The following MYO1C variants were observed in gnomAD, a reference collection of about 807,000 sequenced individuals.
MYO1C encodes unconventional myosin-Ic.
A neutral mutation model predicts 150.8 loss-of-function variants in MYO1C; 104 were observed. The ratio of observed to expected loss-of-function variants is 0.69; its 90% confidence interval spans 0.59 to 0.81. MYO1C has a LOEUF of 0.81. Among genes scored for constraint, MYO1C ranks in the 30% least tolerant of loss-of-function variants. The pLI is 0.00. For synonymous variants in MYO1C, 663 were observed against 579.9 expected, an observed-to-expected ratio of 1.14 and a Z score of -2.06; for missense variants, 1,504 against 1,435.0, an observed-to-expected ratio of 1.05 and a Z score of -0.78.
intron 1 of MYO1C, chr17:1,485,495 CG>C (rs2074633957): frequency 1.7e-6 from 1 of 588,072 alleles, no homozygotes; most frequent in African/African-American, 2.0e-5. Context: ...GCGTCCCCGG[CG>C]GCTCCTCATC....
At chr17:1,468,807 AAGC>A (rs1460949671) in intron 25 of MYO1C, 199 of 487,312 alleles carry the variant, frequency 4.1e-4, no homozygotes, top group Non-Finnish European at 6.4e-5. Flanking sequence ...GGGGTCTTGT[AAGC>A]AGCAGATCAC....
intron 25 of MYO1C, 61 bp from the exon 26 acceptor site, chr17:1,468,557 G>C: frequency 7.1e-7 from 1 of 1,405,784 alleles, no homozygotes; most frequent in Non-Finnish European, 1.0e-6. Flanking sequence ...TGGGGGGGCA[G>C]AGCCAGCCTT....
At chr17:1,467,674 C>T (rs2074204474) in intron 29 of MYO1C, 97 bp from the exon 30 acceptor site, 1 of 1,125,520 alleles carries the variant, frequency 8.9e-7, no homozygotes, top group African/African-American at 1.8e-5. Flanking sequence ...CAAATCCACC[C>T]CCATCCACCC....
chr17:1,483,674 T>G lies in MYO1C; in HGVS notation c.283A>C (p.Ile95Leu). The change falls in exon 3 of 32, where the codon ATC becomes CTC. Residue 95 changes from isoleucine (I) to leucine (L), a missense_variant. Physicochemically the swap from Ile to Leu is conservative, Grantham distance 5 (BLOSUM62 2). Transcript: ENST00000648651. ...VSVNPYRDLQ[I>L]YSRQHMERYR... ...CGCTCCATATGCTGCCGGCTGTAGA[T>G]CTGCAGGTCCCGGTAGGGATTGACA... 6.2e-7 allele frequency: 1 copy of G among 1,613,258 alleles called. No individual in the cohort carries two copies. Among genetic ancestry groups the G allele is most frequent in the Non-Finnish European group, 8.5e-7 (1 of 1,179,794 alleles).
chr17:1,489,048 G>T (rs2074699738), intron 1 of MYO1C, among the ~76,000 whole-genome samples: 1 of 152,198 alleles, frequency 6.6e-6, no homozygotes, highest in African/African-American at 2.4e-5. Context: ...CTGGGAGGAG[G>T]TGTCATCTGA....
chr17:1,473,587 T>A (rs1219460446), intron 17 of MYO1C, among the ~76,000 whole-genome samples: 2 of 151,994 alleles, frequency 1.3e-5, no homozygotes, highest in Non-Finnish European at 1.5e-5. Context: ...CTGACCTCAC[T>A]CTTCTGGGGC....
rs111237078 is a variant in MYO1C, at chr17:1,479,181, T to C, written c.1092+250A>G. 0.031 allele frequency among the ~76,000 whole-genome samples: 4,778 copies of C among 152,168 alleles called. 267 individuals are homozygous for C. Among genetic ancestry groups the C allele is most frequent in the African/African-American group, 0.11 (4,499 of 41,480 alleles). Reference sequence around the variant, plus strand: ...GGCTAATTTTTGTATTCTTAGTAGATGGGGTTTCACCATGTTGGCCAAGAT... The same window carrying C: ...GGCTAATTTTTGTATTCTTAGTAGACGGGGTTTCACCATGTTGGCCAAGAT... On this transcript the variant is annotated intron_variant, in intron 9 of 31. Transcript: ENST00000648651. The surrounding 1 kb of genome is among the most constrained non-coding windows in gnomAD (Gnocchi z 4.2).
chr17:1,480,465 A>C (rs540358196), intron 7 of MYO1C, 62 bp downstream of exon 7: 49 of 1,439,574 alleles, frequency 3.4e-5, no homozygotes, highest in South Asian at 1.4e-4. Flanking sequence ...TAAAAAACAA[A>C]AAAAAAAGGA....
rs750996656 is a variant in MYO1C, at chr17:1,480,608, G to T, written c.825C>A (p.Val275=). Residue 275 remains valine (V), a synonymous_variant, in exon 7 of 32, where the codon GTC becomes GTA. Transcript: ENST00000648651. The stretch of plus-strand genomic sequence containing the variant: ...AGTCACTCTTGTCGTTGATGGAGGA[G>T]ACTTTGGCACACTGGCCCTGGAGGA... ...LYLVKGQCAK[V]SSINDKSDWK... 13 of 1,614,150 alleles carry T rather than the reference G, an allele frequency of 8.1e-6. No individual in the cohort carries two copies. The highest frequency in any genetic ancestry group is 1.1e-5 in the Non-Finnish European group (13 of 1,180,034).
chr17:1,472,283 C>G, intron 17 of MYO1C, 55 bp from the exon 18 acceptor site: 1 of 1,499,594 alleles, frequency 6.7e-7, no homozygotes, highest in African/African-American at 1.4e-5. Context: ...AGCTGCTGAC[C>G]CCAGCAGCGA....
At chr17:1,468,151 C>T (rs2074219765) in intron 27 of MYO1C, 28 bp from the exon 28 acceptor site, 2 of 1,612,680 alleles carry the variant, frequency 1.2e-6, no homozygotes, top group South Asian at 2.2e-5. Flanking sequence ...GCTGAAGGGG[C>T]TGGGGAGAGG....
chr17:1,467,145 A>G, intron 31 of MYO1C, 97 bp downstream of exon 31: 1 of 1,140,640 alleles, frequency 8.8e-7, no homozygotes, highest in South Asian at 1.3e-5. Context: ...CCTCTGGATG[A>G]AGGCCCATGG....
chr17:1,470,896 G>T, intron 21 of MYO1C, 175 bp downstream of exon 21: 2 of 910,972 alleles, frequency 2.2e-6, no homozygotes, highest in Non-Finnish European at 3.4e-6. Context: ...TGGAGCTGGT[G>T]GGGAGGGGCT....
At chr17:1,473,796 C>T (rs952797586) in intron 17 of MYO1C, among the ~76,000 whole-genome samples, 4 of 152,152 alleles carry the variant, frequency 2.6e-5, no homozygotes, top group African/African-American at 9.7e-5. Context: ...GTTCATCTGA[C>T]ATTCCCAAGT....
rs751414232 is a variant in MYO1C at position 1,468,430 on chromosome 17, G to A, written c.2677C>T (p.Pro893Ser). ...GKKDNYPQSVPRLFISTRLGT... is the reference protein window; with the variant it reads ...GKKDNYPQSVSRLFISTRLGT... ...AGCCGAGTGCTGATGAAGAGCCTGG[G>A]TACACTCTGAGGGTAATTATCCTTC... The change falls in exon 26 of 32, where the codon CCC (proline) becomes TCC (serine). Residue 893 changes from proline (P) to serine (S), a missense_variant. By Grantham distance (74) the Pro-to-Ser change is moderately conservative (BLOSUM62 -1). Transcript: ENST00000648651. The A allele has an allele frequency of 1.2e-6, 2 of 1,614,072 alleles. No homozygotes were observed. The highest frequency in any genetic ancestry group is 4.5e-5 in the East Asian group (2 of 44,880).
chr17:1,491,464 G>A (rs1469898040), intron 1 of MYO1C: 1 of 76,986 alleles, frequency 1.3e-5, no homozygotes, highest in Admixed American at 1.5e-4. Context: ...CCCCCCGCAC[G>A]GGTCCACGCG....
At chr17:1,491,591 A>G in intron 1 of MYO1C, 1 of 977,748 alleles carries the variant, frequency 1.0e-6, no homozygotes, top group Non-Finnish European at 1.2e-6. Context: ...CCGCGCCCCG[A>G]GTACCCACCG....
intron 1 of MYO1C, 65 bp from the exon 2 acceptor site, chr17:1,484,368 C>A (rs551198640): frequency 1.9e-6 from 3 of 1,578,020 alleles, no homozygotes; most frequent in Admixed American, 1.7e-5. Context: ...CACTTCCCTG[C>A]GCCTGTGGGA....
At chr17:1,474,107 A>G (rs573900700) in intron 17 of MYO1C, among the ~76,000 whole-genome samples, 21 of 151,972 alleles carry the variant, frequency 1.4e-4, no homozygotes, top group Non-Finnish European at 1.9e-4. Context: ...ACACGACTCC[A>G]CTATAGACAC....
Sources: gnomAD v4.1 joint callset for allele counts (sites outside exome capture counted in the v4.1 genomes callset) on GRCh38, gnomAD v4.1.1 for gene constraint, Gnocchi (gnomAD v3.1) non-coding constraint, MANE v1.5 for transcripts, NCBI Gene and HGNC (gene_info 2026-07-23, HGNC 2026-07-21) for gene names.